Variants in PDE11A observed in about 807,000 individuals in gnomAD.
PDE11A encodes phosphodiesterase 11A, also known as dual 3',5'-cyclic-AMP and -GMP phosphodiesterase 11A.
Under a neutral mutation model 100.5 loss-of-function variants are expected in PDE11A, and 100 were observed. The ratio of observed to expected loss-of-function variants is 1.00; its 90% CI spans 0.85 to 1.18. The LOEUF is 1.18. Ranked by LOEUF, PDE11A falls within the 50% of genes most tolerant of loss-of-function variation. The pLI is 0.00. For missense variants in PDE11A, 1,141 were observed against 1,152.6 expected (o/e 0.99, Z 0.15); for synonymous variants, 381 against 420.8 (o/e 0.91, Z 1.16).
At chr2:177,938,507 C>T (rs780434751) in intron 2 of PDE11A, among the ~76,000 whole-genome samples, 53 of 152,112 alleles carry the variant, frequency 3.5e-4, no homozygotes, top group Admixed American at 5.2e-4. Flanking sequence ...AGAAGCTTCT[C>T]GGCAGCCTCC....
intron 5 of PDE11A, among the ~76,000 whole-genome samples, chr2:177,865,371 T>C (rs986351610): frequency 2.6e-5 from 4 of 152,180 alleles, no homozygotes; most frequent in Non-Finnish European, 5.9e-5. Context: ...AAATAAGGAT[T>C]GATAAGCATC....
rs370027270 is a variant in PDE11A at position 177,855,511 on chromosome 2, C to T, written c.1368-15128G>A. Among the ~76,000 whole-genome samples the T allele has an allele frequency of 2.6e-4, 39 of 152,094 alleles. 2 individuals are homozygous for T. The East Asian group carries it at 6.8e-3, about 26-fold the overall frequency. On this transcript the variant is annotated intron_variant, in intron 5 of 19. Transcript: ENST00000286063. ...TTTTAATTTACCTTATTTGCATCTC[C>T]CTCTATCCATCTCTGGGGTAGCTGT...
At chr2:177,921,010 C>T (rs1276563492) in intron 2 of PDE11A, among the ~76,000 whole-genome samples, 1 of 147,770 alleles carries the variant, frequency 6.8e-6, no homozygotes, top group Non-Finnish European at 1.5e-5. Flanking sequence ...TGCAGTGAGC[C>T]AAGATCGTGC....
chr2:178,023,848 T>C lies in PDE11A; in HGVS notation c.913-9388A>G, dbSNP rs894207529. ...TGGAGAAGATTACAGAGAAAAATTA[T>C]AAAGAAATTAGAGAGAAAAGGTGAA... On this transcript the variant is annotated intron_variant, in intron 1 of 19. Transcript: ENST00000286063. Among the ~76,000 whole-genome samples the C allele has an allele frequency of 3.9e-5, 6 of 152,276 alleles. No homozygotes were observed. The East Asian group carries it at 1.2e-3, about 29-fold the overall frequency.
At chr2:177,699,028 G>C (rs992462773) in intron 14 of PDE11A, among the ~76,000 whole-genome samples, 1 of 152,236 alleles carries the variant, frequency 6.6e-6, no homozygotes, top group Non-Finnish European at 1.5e-5. Flanking sequence ...GTCTGAATTT[G>C]AGGATGTGGA....
At chr2:178,078,095 A>G (rs1055546377) in intron 2 of PDE11A, among the ~76,000 whole-genome samples, 4 of 151,728 alleles carry the variant, frequency 2.6e-5, no homozygotes, top group Non-Finnish European at 5.9e-5. Flanking sequence ...TTTATTTTCC[A>G]TCTCTCTTCT....
At chr2:177,794,199 T>A (rs1322644407) in intron 9 of PDE11A, among the ~76,000 whole-genome samples, 3 of 152,040 alleles carry the variant, frequency 2.0e-5, no homozygotes, top group Admixed American at 6.6e-5. Context: ...TAAGACTGTC[T>A]GGGAAGGTGG....
intron 3 of PDE11A, among the ~76,000 whole-genome samples, chr2:177,900,350 G>T (rs992993312): frequency 2.6e-5 from 4 of 152,222 alleles, no homozygotes; most frequent in Non-Finnish European, 4.4e-5. Context: ...TCATCATGGT[G>T]CTGATCATCA....
At chr2:177,957,356 T>C (rs928103535) in intron 2 of PDE11A, among the ~76,000 whole-genome samples, 1 of 152,236 alleles carries the variant, frequency 6.6e-6, no homozygotes, top group Non-Finnish European at 1.5e-5. Context: ...GTAGTGTTTC[T>C]TTTCATTGAA....
chr2:178,099,751 C>T (rs2105888145), intron 2 of PDE11A, among the ~76,000 whole-genome samples: 1 of 152,260 alleles, frequency 6.6e-6, no homozygotes, highest in South Asian at 2.1e-4. Context: ...TTCAGCAATT[C>T]CACTTCTGGG....
At chr2:178,011,276 G>A (rs2086270993) in intron 2 of PDE11A, among the ~76,000 whole-genome samples, 1 of 152,084 alleles carries the variant, frequency 6.6e-6, no homozygotes, top group Non-Finnish European at 1.5e-5. Flanking sequence ...AAATAGGGAA[G>A]GTGGCGGTCA....
At chr2:177,734,388 T>C (rs980189805) in intron 10 of PDE11A, among the ~76,000 whole-genome samples, 1 of 152,126 alleles carries the variant, frequency 6.6e-6, no homozygotes, top group Non-Finnish European at 1.5e-5. Flanking sequence ...ACAGCGATGT[T>C]ATGAAAAAGT....
intron 10 of PDE11A, among the ~76,000 whole-genome samples, chr2:177,745,918 T>C (rs1292544276): frequency 6.6e-6 from 1 of 152,124 alleles, no homozygotes; most frequent in African/African-American, 2.4e-5. Flanking sequence ...GAAGTCTCCA[T>C]AGAGGTTGAT....
At chr2:177,702,757 A>G (rs1393620927) in intron 13 of PDE11A, 1 of 152,214 alleles carries the variant, frequency 6.6e-6, no homozygotes, top group Non-Finnish European at 1.5e-5. Flanking sequence ...TAGGTTCGGT[A>G]GGAATTATTG....
chr2:177,658,572 T>C (rs1341848562), intron 19 of PDE11A, among the ~76,000 whole-genome samples: 1 of 152,002 alleles, frequency 6.6e-6, no homozygotes, highest in African/African-American at 2.4e-5. Context: ...CTGTATTTTT[T>C]GAGTTATGTA....
chr2:178,080,081 C>T (rs1343394940), intron 2 of PDE11A, among the ~76,000 whole-genome samples: 1 of 152,088 alleles, frequency 6.6e-6, no homozygotes, highest in Non-Finnish European at 1.5e-5. Context: ...AATTTTCTTC[C>T]ATTCTGTAGG....
rs367811974 is a variant in PDE11A, at chr2:177,775,061, C to A, written c.1738-5688G>T. On this transcript the variant is annotated intron_variant, in intron 9 of 19. Coordinates refer to ENST00000286063, the MANE Select transcript of PDE11A (RefSeq NM_016953.4). Reference sequence around the variant, plus strand: ...ATTGCTAACTTTGAAATGGAAGGGGCCACGAGCACAGAATGCAGGTAGGTT... The same window carrying A: ...ATTGCTAACTTTGAAATGGAAGGGGACACGAGCACAGAATGCAGGTAGGTT... 6.6e-5 allele frequency among the ~76,000 whole-genome samples: 10 copies of A among 152,028 alleles called. No individual in the cohort carries two copies. In the South Asian group the frequency reaches 1.9e-3, roughly 28 times the overall value.
At chr2:178,092,444 C>T (rs1178175259) in intron 2 of PDE11A, 1 of 152,150 alleles carries the variant, frequency 6.6e-6, no homozygotes, top group Admixed American at 6.5e-5. Context: ...TCAAATATGA[C>T]TTCTCTAAAC....
chr2:178,008,504 C>T (rs1279248423), intron 2 of PDE11A, among the ~76,000 whole-genome samples: 1 of 152,062 alleles, frequency 6.6e-6, no homozygotes, highest in African/African-American at 2.4e-5. Context: ...ATTTGTTGCC[C>T]CTTCTCAGCA....
Sources: allele counts gnomAD v4.1 joint callset (sites outside exome capture counted in the v4.1 genomes callset), GRCh38; gene constraint gnomAD v4.1.1; transcripts MANE v1.5; gene names NCBI Gene and HGNC (gene_info 2026-07-23, HGNC 2026-07-21).